The following SIRT4 variants were observed in gnomAD, a reference collection of about 807,000 sequenced individuals.
SIRT4 encodes NAD-dependent protein lipoamidase sirtuin-4, mitochondrial.
Under a neutral mutation model 26.1 loss-of-function variants are expected in SIRT4, and 23 were observed. The observed-to-expected ratio is 0.88, with a 90% CI of 0.63 to 1.25. The LOEUF (loss-of-function observed/expected upper bound fraction) is 1.25, where lower values mean the gene tolerates loss of function less well. SIRT4 is among the 50% of genes most tolerant of loss of function. The probability of loss-of-function intolerance (pLI) is 0.00; values close to 1 mark genes in which losing one functional copy is unlikely to be tolerated. For synonymous variants in SIRT4, 155 were observed against 158.4 expected (o/e 0.98, Z 0.16); for missense variants, 361 against 405.4 (o/e 0.89, Z 0.94).
At chr12:120,306,394 G>C (rs1872747168) in intron 2 of SIRT4, among the ~76,000 whole-genome samples, 1 of 151,916 alleles carries the variant, frequency 6.6e-6, no homozygotes, top group South Asian at 2.1e-4. Flanking sequence ...AGAATAGCTT[G>C]AACCCAAGAG....
intron 2 of SIRT4, among the ~76,000 whole-genome samples, chr12:120,312,248 A>G (rs535982522): frequency 3.3e-5 from 5 of 151,820 alleles, no homozygotes; most frequent in African/African-American, 1.2e-4. Flanking sequence ...AGATCGTGCC[A>G]CTGCATTCCA....
At chr12:120,305,482 A>T (rs942683347) in intron 2 of SIRT4, among the ~76,000 whole-genome samples, 24 of 152,084 alleles carry the variant, frequency 1.6e-4, no homozygotes, top group Non-Finnish European at 3.4e-4. Context: ...GCTGGTCTCG[A>T]ACTCCTGGGC....
the SIRT4 span, chr12:120,293,000 TAG>T: frequency 3.9e-5 from 6 of 152,120 alleles, no homozygotes; most frequent in East Asian, 1.9e-4. Flanking sequence ...ATCTCTCATT[TAG>T]AGAGTTTGCG....
At chr12:120,297,245 C>A in the SIRT4 span, among the ~76,000 whole-genome samples, 1 of 140,270 alleles carries the variant, frequency 7.1e-6, no homozygotes, top group African/African-American at 2.7e-5. Context: ...TACATACATA[C>A]ATACATACAT....
At chr12:120,298,563 G>A (rs1361239139), upstream of SIRT4, among the ~76,000 whole-genome samples, 3 of 151,994 alleles carry the variant, frequency 2.0e-5, no homozygotes, top group East Asian at 3.9e-4. Context: ...CTGAACTCCC[G>A]CCTGGGTGAA....
At chr12:120,294,086 C>T in the SIRT4 span, among the ~76,000 whole-genome samples, 1 of 142,652 alleles carries the variant, frequency 7.0e-6, no homozygotes, top group Non-Finnish European at 1.5e-5. Flanking sequence ...TCATTGCAAC[C>T]ACTGCCTCCC....
At chr12:120,292,159 G>C in the SIRT4 span, among the ~76,000 whole-genome samples, 1 of 152,244 alleles carries the variant, frequency 6.6e-6, no homozygotes, top group African/African-American at 2.4e-5. Flanking sequence ...AGATGACTCG[G>C]TTGAGACTTG....
rs550344888 is a variant in SIRT4, at chr12:120,306,805, TA to T, written c.497+2754del. Among the ~76,000 whole-genome samples the T allele has an allele frequency of 3.2e-3, 491 of 151,858 alleles. 1 individual carries two copies. Among genetic ancestry groups the T allele is most frequent in the African/African-American group, 0.01 (427 of 41,432 alleles). On this transcript the variant is annotated intron_variant, in intron 2 of 3. Transcript: ENST00000202967. Reference sequence around the variant, plus strand: ...ACAACAGAGTGAGACTCTATCTCAATAAAAAAACAAAAAGAAAGGAAACTGT... The same window carrying T: ...ACAACAGAGTGAGACTCTATCTCAATAAAAAACAAAAAGAAAGGAAACTGT...
At chr12:120,300,413 T>A (rs1872503523), upstream of SIRT4, among the ~76,000 whole-genome samples, 3 of 152,196 alleles carry the variant, frequency 2.0e-5, no homozygotes, top group African/African-American at 7.2e-5. Context: ...AGCTTCCACA[T>A]TACTTCTCTG....
chr12:120,297,705 A>G (rs189248056), upstream of SIRT4, among the ~76,000 whole-genome samples: 3 of 152,126 alleles, frequency 2.0e-5, no homozygotes, highest in African/African-American at 7.2e-5. Context: ...TTCCCAACCA[A>G]TCTCTATTAG....
chr12:120,295,486 TC>T, the SIRT4 span, among the ~76,000 whole-genome samples: 1 of 145,884 alleles, frequency 6.9e-6, no homozygotes, highest in Non-Finnish European at 1.5e-5. Flanking sequence ...GGTCTTGAAC[TC>T]CTGACCTCAA....
the SIRT4 span, chr12:120,293,249 C>A: frequency 2.0e-5 from 3 of 152,170 alleles, no homozygotes; most frequent in East Asian, 5.8e-4. Flanking sequence ...ATTTGTTACG[C>A]CCCCTGCTCA....
Position 120,308,668 on chromosome 12 carries a change from T to C in SIRT4, c.498-3788T>C, listed in dbSNP as rs567526120. Among the ~76,000 whole-genome samples, 7 of 152,240 alleles carry C rather than the reference T, an allele frequency of 4.6e-5. No individual in the cohort carries two copies. In the South Asian group the frequency reaches 1.5e-3, roughly 32 times the overall value. On this transcript the variant is annotated intron_variant, in intron 2 of 3. Coordinates refer to ENST00000202967, the MANE Select transcript of SIRT4 (RefSeq NM_012240.3). Reference sequence around the variant, plus strand: ...AGTTAGGCCCAAATCATGGTTACATTTGAAAATCAGGCAGTGCAGTTGGGT... The same window carrying C: ...AGTTAGGCCCAAATCATGGTTACATCTGAAAATCAGGCAGTGCAGTTGGGT...
the SIRT4 span, chr12:120,293,022 T>TCCCAAACCAAACAC: frequency 6.6e-6 from 1 of 150,558 alleles, no homozygotes; most frequent in South Asian, 2.1e-4. Context: ...GAACAAGTAC[T>TCCCAAACCAAACAC]CTTCAACCTC....
At chr12:120,306,094 G>T (rs1181921847) in intron 2 of SIRT4, among the ~76,000 whole-genome samples, 1 of 152,128 alleles carries the variant, frequency 6.6e-6, no homozygotes, top group Admixed American at 6.6e-5. Context: ...AACTCAGGAG[G>T]CTGAAGCAGG....
chr12:120,299,375 A>T (rs910577438), upstream of SIRT4, among the ~76,000 whole-genome samples: 1 of 150,150 alleles, frequency 6.7e-6, no homozygotes, highest in African/African-American at 2.5e-5. Flanking sequence ...AACATGACGA[A>T]ACCCCATCTC....
At chr12:120,311,048 TAAAAAA>T (rs761606021) in intron 2 of SIRT4, among the ~76,000 whole-genome samples, 10 of 69,302 alleles carry the variant, frequency 1.4e-4, no homozygotes, top group Non-Finnish European at 2.1e-4. Context: ...CCCTGTCTCT[TAAAAAA>T]AAAAAAAAAA....
upstream of SIRT4, among the ~76,000 whole-genome samples, chr12:120,300,282 A>T (rs1872496887): frequency 6.6e-6 from 1 of 151,406 alleles, no homozygotes; most frequent in Admixed American, 6.6e-5. Flanking sequence ...ACAGAACGAG[A>T]CCCTGTCTCA....
At chr12:120,297,229 AATAAATACATACATAC>A in the SIRT4 span, among the ~76,000 whole-genome samples, 1 of 108,722 alleles carries the variant, frequency 9.2e-6, no homozygotes, top group African/African-American at 2.9e-5. Context: ...TCTCAAAATA[AATAAATACATACATAC>A]ATACATACAT....
Sources: allele counts gnomAD v4.1 joint callset (sites outside exome capture counted in the v4.1 genomes callset), GRCh38; gene constraint gnomAD v4.1.1; transcripts MANE v1.5; gene names NCBI Gene and HGNC (gene_info 2026-07-23, HGNC 2026-07-21).